The following TENM1 variants were observed in gnomAD, a reference collection of about 807,000 sequenced individuals.
The protein encoded by TENM1 is teneurin-1.
A neutral mutation model predicts 174.8 loss-of-function variants in TENM1; 35 were observed. The observed-to-expected ratio is 0.20, with a 90% CI of 0.15 to 0.27. The LOEUF is 0.27. TENM1 is among the 10% of genes least tolerant of loss of function. The pLI is 1.00. For synonymous variants in TENM1, 781 were observed against 798.7 expected, an observed-to-expected ratio of 0.98 and a Z score of 0.37; for missense variants, 1,633 against 2,130.1, an observed-to-expected ratio of 0.77 and a Z score of 4.59.
the TENM1 span, among the ~76,000 whole-genome samples, chrX:125,151,706 C>T: frequency 9.0e-6 from 1 of 111,683 alleles, no homozygotes; most frequent in Non-Finnish European, 1.9e-5. Context: ...GACAATTTTG[C>T]TCTCCAACCC....
the TENM1 span, among the ~76,000 whole-genome samples, chrX:125,198,634 AAATTC>A: frequency 9.0e-6 from 1 of 111,685 alleles, no homozygotes; most frequent in Non-Finnish European, 1.9e-5. Context: ...TATTTCTAGC[AAATTC>A]AATTCCCCAG....
At chrX:124,765,863 C>T (rs1347063628) in intron 3 of TENM1, among the ~76,000 whole-genome samples, 1 of 112,015 alleles carries the variant, frequency 8.9e-6, no homozygotes, top group African/African-American at 3.2e-5. Flanking sequence ...ATGTCATTTA[C>T]TCATAACGAG....
chrX:124,886,728 G>GT (rs74314491), intron 3 of TENM1, among the ~76,000 whole-genome samples: 946 of 77,836 alleles, frequency 0.012, 15 homozygotes, highest in Admixed American at 0.031. Flanking sequence ...TGTAGTGAAG[G>GT]TTTTTTTTTT....
exon 25 of TENM1, chrX:124,420,529 G>A (rs767993328): frequency 8.3e-7 from 1 of 1,210,906 alleles, no homozygotes; most frequent in Non-Finnish European, 1.1e-6. Flanking sequence ...TGCCATTGCT[G>A]CTGGTAATCG....
chrX:124,805,628 T>C (rs1429012304), intron 3 of TENM1, among the ~76,000 whole-genome samples: 1 of 112,243 alleles, frequency 8.9e-6, no homozygotes, highest in Non-Finnish European at 1.9e-5. Context: ...TAAATGTCAG[T>C]GGCAAGCAGG....
At chrX:124,940,262 C>T (rs1403154158) in intron 1 of TENM1, among the ~76,000 whole-genome samples, 3 of 111,788 alleles carry the variant, frequency 2.7e-5, no homozygotes, top group South Asian at 7.5e-4. Flanking sequence ...CCATTAAATA[C>T]ACTGCTTCTA....
intron 16 of TENM1, among the ~76,000 whole-genome samples, chrX:124,527,660 T>C (rs7054923): frequency 0.034 from 3,577 of 104,679 alleles, 174 homozygotes; most frequent in African/African-American, 0.12. Context: ...CTTTTTTTTT[T>C]TTTTTTGAGA....
At chrX:124,607,780 A>C (rs2050194184) in intron 11 of TENM1, among the ~76,000 whole-genome samples, 1 of 111,196 alleles carries the variant, frequency 9.0e-6, no homozygotes, top group Non-Finnish European at 1.9e-5. Flanking sequence ...GAAAAGATGG[A>C]AACAGGGAGA....
chrX:124,431,631 A>G (rs1430719832), intron 23 of TENM1, among the ~76,000 whole-genome samples: 1 of 112,351 alleles, frequency 8.9e-6, no homozygotes, highest in Non-Finnish European at 1.9e-5. Flanking sequence ...AAAGAGGGAA[A>G]AAGCCATCTG....
Position 124,644,067 on chromosome X carries a change from A to ATG in TENM1, c.1876+1074_1876+1075dup, listed in dbSNP as rs1556038112. Among the ~76,000 whole-genome samples, 376 of 98,117 alleles carry ATG rather than the reference A, an allele frequency of 3.8e-3. 4 individuals are homozygous for ATG. Among genetic ancestry groups the ATG allele is most frequent in the African/African-American group, 0.014 (359 of 26,426 alleles). The allele number at this position is 98,117 out of a possible 115,157, so 85.2% of individuals were successfully genotyped here. Reference sequence around the variant, plus strand: ...GGCATATATATATATATATATATATATGTGTATATATAATATAAATGGCAT... The same window carrying ATG: ...GGCATATATATATATATATATATATATGTGTGTATATATAATATAAATGGCAT... On this transcript the variant is annotated intron_variant, in intron 10 of 31. Coordinates refer to ENST00000422452, the Ensembl canonical transcript of TENM1.
In TENM1 at chrX:124,632,179, A is replaced by G. The variant is rs777522534; in HGVS notation, c.2077+9612T>C. On this transcript the variant is annotated intron_variant, in intron 11 of 31. Transcript: ENST00000422452. ...GCCCGCCTTGGCCTCCCAAAGTGCTAGGGTTACAGGCATGAGCCACCACGC... is the reference window on the plus strand; with the variant it reads ...GCCCGCCTTGGCCTCCCAAAGTGCTGGGGTTACAGGCATGAGCCACCACGC... Among the ~76,000 whole-genome samples the G allele has an allele frequency of 2.2e-3, 244 of 109,637 alleles. 2 individuals are homozygous for G. The highest frequency in any genetic ancestry group is 0.014 in the Middle Eastern group (3 of 215).
chrX:125,083,564 A>G, the TENM1 span, among the ~76,000 whole-genome samples: 8 of 110,666 alleles, frequency 7.2e-5, no homozygotes, highest in Non-Finnish European at 1.5e-4. Flanking sequence ...TGACATTACT[A>G]AGTTTTTGAA....
At chrX:124,853,403 G>A (rs938778907) in intron 3 of TENM1, among the ~76,000 whole-genome samples, 8 of 111,123 alleles carry the variant, frequency 7.2e-5, no homozygotes, top group Non-Finnish European at 1.1e-4. Context: ...TAATGCAAGC[G>A]AGAAGGCATT....
chrX:124,871,560 T>C (rs184245097), intron 3 of TENM1, among the ~76,000 whole-genome samples: 3 of 111,991 alleles, frequency 2.7e-5, no homozygotes, highest in Non-Finnish European at 3.8e-5. Flanking sequence ...TTAAGATATC[T>C]ATTAAACATC....
intron 6 of TENM1, among the ~76,000 whole-genome samples, chrX:124,669,398 C>A (rs1464448830): frequency 9.0e-6 from 1 of 111,409 alleles, no homozygotes; most frequent in African/African-American, 3.3e-5. Context: ...TTGTCAGTTT[C>A]ATATTTTAGT....
At chrX:124,411,884 T>C (rs915556063) in intron 25 of TENM1, 3 of 112,208 alleles carry the variant, frequency 2.7e-5, no homozygotes, top group Admixed American at 9.4e-5. Context: ...TCTTCTGCTG[T>C]GTGTTTCCCT....
At chrX:124,550,302 C>T (rs1195062811) in intron 14 of TENM1, among the ~76,000 whole-genome samples, 2 of 111,915 alleles carry the variant, frequency 1.8e-5, no homozygotes, top group African/African-American at 3.3e-5. Context: ...ACTTTCTAAT[C>T]CTGAAAATGA....
chrX:125,082,644 T>A, the TENM1 span, among the ~76,000 whole-genome samples: 1 of 111,446 alleles, frequency 9.0e-6, no homozygotes, highest in Non-Finnish European at 1.9e-5. Context: ...AAGTATCACC[T>A]CCTCAGAGAG....
chrX:125,104,745 G>GA, the TENM1 span, among the ~76,000 whole-genome samples: 8 of 107,294 alleles, frequency 7.5e-5, no homozygotes, highest in Middle Eastern at 4.7e-3. Context: ...CAACTAGAAA[G>GA]AAAAAAAAAT....
Sources: gnomAD v4.1 joint callset for allele counts (sites outside exome capture counted in the v4.1 genomes callset) on GRCh38, gnomAD v4.1.1 for gene constraint, MANE v1.5 for transcripts, NCBI Gene and HGNC (gene_info 2026-07-23, HGNC 2026-07-21) for gene names.